NDUFA10: variants seen among roughly 807,000 people sequenced by gnomAD.
NDUFA10 encodes NADH:ubiquinone oxidoreductase subunit A10, also known as NADH dehydrogenase [ubiquinone] 1 alpha subcomplex subunit 10, mitochondrial.
Under a neutral mutation model 47.8 loss-of-function variants are expected in NDUFA10, and 40 were observed. The ratio of observed to expected loss-of-function variants is 0.84; its 90% CI spans 0.65 to 1.09. NDUFA10 has a LOEUF of 1.09. Among genes scored for constraint, NDUFA10 ranks in the 50% least tolerant of loss-of-function variants. The pLI is 0.00. For missense variants in NDUFA10, 413 were observed against 451.1 expected (o/e 0.92, Z 0.76); for synonymous variants, 183 against 172.2 (o/e 1.06, Z -0.49).
intron 9 of NDUFA10, among the ~76,000 whole-genome samples, chr2:239,962,595 G>A (rs989576670): frequency 6.6e-6 from 1 of 152,222 alleles, no homozygotes; most frequent in Non-Finnish European, 1.5e-5. Context: ...TGGAAGTGGA[G>A]GGGCCGGTGC....
chr2:239,960,763 T>C lies in NDUFA10; in HGVS notation c.*355A>G, dbSNP rs1213007022. ...ATTCCCATGGAAACACTTTTATTTC[T>C]GGAAGTCAGAAGAAAAACAATGTGC... is the stretch of plus-strand genomic sequence containing the variant. On this transcript the variant is annotated 3_prime_UTR_variant, in exon 10 of 10. Transcript: ENST00000252711. 1.6e-6 allele frequency: 2 copies of C among 1,212,650 alleles called. No homozygotes were observed. Among genetic ancestry groups the C allele is most frequent in the Non-Finnish European group, 2.1e-6 (2 of 958,676 alleles). 75.1% of individuals were successfully genotyped at this position (1,212,650 alleles called of 1,614,324 possible).
At chr2:239,905,760 G>A (rs889878207) in intron 4 of NDUFA10, among the ~76,000 whole-genome samples, 1 of 149,992 alleles carries the variant, frequency 6.7e-6, no homozygotes, top group Admixed American at 6.6e-5. Context: ...TCTGCCAAGG[G>A]ATGAGGCTAA....
chr2:239,973,749 C>T lies in NDUFA10; in HGVS notation c.1000-12563G>A, dbSNP rs79653649. 2,863 of 385,188 alleles carry T rather than the reference C, an allele frequency of 7.4e-3. 75 individuals are homozygous for T. The highest frequency in any genetic ancestry group is 0.04 in the East Asian group (547 of 13,648). 23.9% of individuals were successfully genotyped at this position (385,188 alleles called of 1,614,324 possible). On this transcript the variant is annotated intron_variant, in intron 9 of 9. Coordinates refer to ENST00000252711, the MANE Select transcript of NDUFA10 (RefSeq NM_004544.4). ...AAGTGACCTGATACAATGTTTAAAACGTGACTTTAAAAAATCAGCAGCCTG... is the reference window on the plus strand; with the variant it reads ...AAGTGACCTGATACAATGTTTAAAATGTGACTTTAAAAAATCAGCAGCCTG...
Position 239,982,044 on chromosome 2 carries a change from C to T in NDUFA10, c.999+8030G>A. On this transcript the variant is annotated intron_variant, in intron 9 of 9. Transcript: ENST00000252711. ...GCCAACTACCTTCTGCTCTAATAGT[C>T]ACACGTTCTGTGGAATGTCCTCAAA... 2.5e-6 allele frequency: 4 copies of T among 1,599,390 alleles called. 1 individual carries two copies. The South Asian group carries it at 4.4e-5, about 18-fold the overall frequency.
chr2:239,953,830 TTAAA>T (rs1237132286), downstream of NDUFA10, among the ~76,000 whole-genome samples: 1 of 152,142 alleles, frequency 6.6e-6, no homozygotes, highest in Non-Finnish European at 1.5e-5. Flanking sequence ...AACTGCAAAC[TTAAA>T]ATAGACTCCG....
intron 9 of NDUFA10, chr2:239,973,548 G>A (rs572680445): frequency 4.2e-6 from 2 of 471,160 alleles, no homozygotes; most frequent in Non-Finnish European, 4.4e-6. Flanking sequence ...AACTATCTTG[G>A]ACACGATCAG....
intron 8 of NDUFA10, among the ~76,000 whole-genome samples, chr2:239,996,989 T>C (rs1696507284): frequency 6.6e-6 from 1 of 152,120 alleles, no homozygotes; most frequent in Non-Finnish European, 1.5e-5. Flanking sequence ...TATTATAATA[T>C]CTAATACAAT....
rs552045626 is a variant in NDUFA10, at chr2:239,987,729, G to A, written c.999+2345C>T. On this transcript the variant is annotated intron_variant, in intron 9 of 9. Coordinates refer to ENST00000252711, the MANE Select transcript of NDUFA10 (RefSeq NM_004544.4). This position sits in a 1 kb window ranked among gnomAD's most constrained non-coding sequence, Gnocchi z 4.8. ...GCGCCCAGGGAAGGGGTGGGCAGCC[G>A]TGGGGCGAATGCGCAGGCAGAGCTG... Among the ~76,000 whole-genome samples, 17 of 152,344 alleles carry A rather than the reference G, an allele frequency of 1.1e-4. No individual in the cohort carries two copies. Among genetic ancestry groups the A allele is most frequent in the African/African-American group, 4.1e-4 (17 of 41,588 alleles).
chr2:239,992,670 G>A (rs1239647006), intron 8 of NDUFA10, among the ~76,000 whole-genome samples: 1 of 152,222 alleles, frequency 6.6e-6, no homozygotes, highest in Non-Finnish European at 1.5e-5. Flanking sequence ...TGCACAGCTG[G>A]AGGCCTGACG....
intron 5 of NDUFA10, 93 bp from the exon 6 acceptor site, chr2:240,011,789 A>T (rs1463107957): frequency 1.8e-6 from 2 of 1,135,072 alleles, no homozygotes; most frequent in Non-Finnish European, 1.3e-6. Flanking sequence ...ATCACTGACC[A>T]CCATTTTCTT....
intron 4 of NDUFA10, among the ~76,000 whole-genome samples, chr2:239,949,790 T>C (rs1194277235): frequency 1.3e-5 from 2 of 152,198 alleles, no homozygotes; most frequent in African/African-American, 4.8e-5. Context: ...CACTGGCCTG[T>C]TGAGGTGGGA....
At chr2:239,940,290 G>A (rs1694340207) in intron 4 of NDUFA10, among the ~76,000 whole-genome samples, 1 of 152,256 alleles carries the variant, frequency 6.6e-6, no homozygotes, top group Non-Finnish European at 1.5e-5. Context: ...TGCCAGCCCT[G>A]AGCTAAAACA....
rs763670501 is a variant in NDUFA10 at position 240,005,239 on chromosome 2, G to T, written c.861C>A (p.Asp287Glu). 2 of 1,613,940 alleles carry T rather than the reference G, an allele frequency of 1.2e-6. No individual in the cohort carries two copies. The highest frequency in any genetic ancestry group is 1.7e-6 in the Non-Finnish European group (2 of 1,179,982). ...ATCGCAGGTGGTATAAAGTGCGATT[G>T]TCCTGCTTGAGCCACGGCCCTTTAT... ...KFDKGPWLKQDNRTLYHLRLL... is the reference protein window; with the variant it reads ...KFDKGPWLKQENRTLYHLRLL... The change falls in exon 8 of 10, where the codon GAC becomes GAA. Residue 287 changes from aspartate to glutamate, a missense_variant. Asp to Glu is a conservative substitution (Grantham distance 45, BLOSUM62 2). Transcript: ENST00000252711.
chr2:240,019,235 C>G (rs924134844), intron 3 of NDUFA10, among the ~76,000 whole-genome samples: 7 of 152,194 alleles, frequency 4.6e-5, no homozygotes, highest in South Asian at 2.1e-4. Flanking sequence ...GTTTCCACAT[C>G]GAGTCTTCAT....
At chr2:239,971,423 G>A (rs957629081) in intron 9 of NDUFA10, among the ~76,000 whole-genome samples, 4 of 152,134 alleles carry the variant, frequency 2.6e-5, no homozygotes, top group Non-Finnish European at 4.4e-5. Flanking sequence ...CTGCCTCCTC[G>A]AATCCTGCCA....
rs1223409463 is a variant in NDUFA10, at chr2:239,945,177, G to A, written c.294+44897C>T. 6.6e-6 allele frequency among the ~76,000 whole-genome samples: 1 copy of A among 152,144 alleles called. No homozygotes were observed. Among genetic ancestry groups the A allele is most frequent in the Non-Finnish European group, 1.5e-5 (1 of 68,024 alleles). On this transcript the variant is annotated intron_variant, in intron 4 of 5. Coordinates refer to the NDUFA10 transcript ENST00000419408. The surrounding 1 kb of genome is among the most constrained non-coding windows in gnomAD (Gnocchi z 4.6). ...ACCCCTCCCGCAGGAGGGCCTGACT[G>A]GGGAGGAAATGACAAGCCACTTCTC...
intron 9 of NDUFA10, among the ~76,000 whole-genome samples, chr2:239,963,632 T>C (rs1472088611): frequency 1.3e-5 from 2 of 152,172 alleles, no homozygotes; most frequent in Non-Finnish European, 2.9e-5. Flanking sequence ...ATAGAATATG[T>C]GCAGGGTGTG....
chr2:239,936,865 CAGG>C (rs1259115435), intron 4 of NDUFA10, among the ~76,000 whole-genome samples: 6 of 152,204 alleles, frequency 3.9e-5, no homozygotes, highest in Non-Finnish European at 8.8e-5. Flanking sequence ...GAGGCTGAGG[CAGG>C]AGAATTGCTT....
Position 239,965,608 on chromosome 2 carries a change from A to G in NDUFA10, c.1000-4422T>C, listed in dbSNP as rs116292732. 5.1e-3 allele frequency among the ~76,000 whole-genome samples: 783 copies of G among 152,280 alleles called. 7 individuals carry two copies. Among genetic ancestry groups the G allele is most frequent in the African/African-American group, 0.018 (750 of 41,552 alleles). On this transcript the variant is annotated intron_variant, in intron 9 of 9. Coordinates refer to ENST00000252711, the MANE Select transcript of NDUFA10 (RefSeq NM_004544.4). ...CACGGTGCCCGGGTGCGTGACACCC[A>G]TGTGTGTGGCTGTGCGTCCAAAGGT...
Sources: gnomAD v4.1 joint callset for allele counts (sites outside exome capture counted in the v4.1 genomes callset) on GRCh38, gnomAD v4.1.1 for gene constraint, Gnocchi (gnomAD v3.1) non-coding constraint, MANE v1.5 for transcripts, NCBI Gene and HGNC (gene_info 2026-07-23, HGNC 2026-07-21) for gene names.